DNMT3A: variants seen among roughly 807,000 people sequenced by gnomAD.
The protein encoded by DNMT3A is DNA methyltransferase 3 alpha.
In DNMT3A, 267 loss-of-function variants were observed where a neutral mutation model predicts 117.6. The ratio of observed to expected loss-of-function variants is 2.27; its 90% confidence interval spans 2.05 to 2.51. DNMT3A has a LOEUF of 2.51. Ranked by LOEUF, DNMT3A falls within the 30% of genes most tolerant of loss-of-function variation. The pLI is 0.00. For synonymous variants in DNMT3A, 432 were observed against 474.8 expected (o/e 0.91, Z 1.17); for missense variants, 1,029 against 1,260.2 (o/e 0.82, Z 2.78).
At position 25,257,652 on chromosome 2, in the gene DNMT3A, G is replaced by C. The variant is rs1373406119; in HGVS notation, c.640-9400C>G. On this transcript the variant is annotated intron_variant, in intron 6 of 22. Transcript: ENST00000321117. This position sits in a 1 kb window ranked among gnomAD's most constrained non-coding sequence, Gnocchi z 4.8. ...GGCAGAACTTCCTTTCTTTTCACGA[G>C]GGCCTTGCTAATCACCTCGCCAGGA... is the stretch of plus-strand genomic sequence containing the variant. 6.6e-6 allele frequency among the ~76,000 whole-genome samples: 1 copy of C among 152,146 alleles called. No individual in the cohort carries two copies. Among genetic ancestry groups the C allele is most frequent in the East Asian group, 1.9e-4 (1 of 5,196 alleles).
At chr2:25,328,916 C>T (rs2034901995) in intron 1 of DNMT3A, among the ~76,000 whole-genome samples, 1 of 152,176 alleles carries the variant, frequency 6.6e-6, no homozygotes, top group South Asian at 2.1e-4. Context: ...GAGTCCTTGT[C>T]TGGCCTGTGA....
intron 6 of DNMT3A, among the ~76,000 whole-genome samples, chr2:25,263,222 G>C (rs554629445): frequency 1.3e-5 from 2 of 152,232 alleles, no homozygotes; most frequent in South Asian, 4.2e-4. Context: ...ACTGCACCCA[G>C]CCTCTTTTGC....
intron 6 of DNMT3A, among the ~76,000 whole-genome samples, chr2:25,259,226 AC>A (rs1358549421): frequency 2.0e-5 from 3 of 151,940 alleles, no homozygotes; most frequent in African/African-American, 7.3e-5. Context: ...GCTCACTTCC[AC>A]CCGCTATCCT....
intron 16 of DNMT3A, among the ~76,000 whole-genome samples, chr2:25,243,121 A>G (rs1418355169): frequency 6.6e-6 from 1 of 152,090 alleles, no homozygotes; most frequent in Non-Finnish European, 1.5e-5. Flanking sequence ...CCTGGCCAAC[A>G]CGGTGAAACA....
chr2:25,247,627 GC>G lies in DNMT3A; in HGVS notation c.977del (p.Arg326ProfsTer19). ...TGCCGTCTCCGAACCACATGACCCA[GC>G]GGGTGCCTTCAGCTGCTCGGCTCCG... Reference protein sequence around the residue: ...TGRSRAAEGTRWVMWFGDGKF... With the variant: ...TGRSRAAEGTXWVMWFGDGKF... On this transcript the variant is annotated frameshift_variant, in exon 8 of 23. Transcript: ENST00000321117. LOFTEE classifies it high-confidence loss of function. This position sits in a 1 kb window ranked among gnomAD's most constrained non-coding sequence, Gnocchi z 5.6. 1 of 1,614,000 alleles carries G rather than the reference GC, an allele frequency of 6.2e-7. No homozygotes were observed. Among genetic ancestry groups the G allele is most frequent in the Non-Finnish European group, 8.5e-7 (1 of 1,180,004 alleles).
chr2:25,234,324 G>GATGACTGGCACGCTCC lies in DNMT3A; in HGVS notation c.2678_2693dup (p.Ile898MetfsTer28). 6.2e-7 allele frequency: 1 copy of GATGACTGGCACGCTCC among 1,614,056 alleles called. No individual in the cohort carries two copies. The highest frequency in any genetic ancestry group is 8.5e-7 in the Non-Finnish European group (1 of 1,179,962). On this transcript the variant is annotated frameshift_variant, in exon 23 of 23. Coordinates refer to ENST00000321117, the MANE Select transcript of DNMT3A (RefSeq NM_022552.5). LOFTEE classifies it high-confidence loss of function. This position sits in a 1 kb window ranked among gnomAD's most constrained non-coding sequence, Gnocchi z 4.5. ...CCTTCAGCGGAGCGAAGAGGTGGCG[G>GATGACTGGCACGCTCC]ATGACTGGCACGCTCCATGACCGGC...
chr2:25,256,160 A>G (rs1187340042), intron 6 of DNMT3A, among the ~76,000 whole-genome samples: 1 of 152,184 alleles, frequency 6.6e-6, no homozygotes, highest in African/African-American at 2.4e-5. Flanking sequence ...GGGAGACCTG[A>G]TCCAGACAAA....
At position 25,314,100 on chromosome 2, in the gene DNMT3A, G is replaced by A; in HGVS notation, c.-116C>T. On this transcript the variant is annotated 5_prime_UTR_variant, in exon 2 of 23. Transcript: ENST00000321117. ...TTAAAACTTAAACATAGATCCCGGT[G>A]TTGAGCCCTCTGGTGAACGGTGCCT... The A allele has an allele frequency of 1.4e-6, 2 of 1,436,636 alleles. No homozygotes were observed. Among genetic ancestry groups the A allele is most frequent in the Non-Finnish European group, 1.8e-6 (2 of 1,097,922 alleles). The allele number at this position is 1,436,636 out of a possible 1,614,324, so 89.0% of individuals were successfully genotyped here.
intron 2 of DNMT3A, 72 bp from the exon 3 acceptor site, chr2:25,300,315 G>T: frequency 3.3e-6 from 5 of 1,506,490 alleles, no homozygotes; most frequent in Non-Finnish European, 4.5e-6. Flanking sequence ...CCTGTCTGGG[G>T]CTGGCCCTGG....
chr2:25,298,840 C>T lies in DNMT3A; in HGVS notation c.177+1299G>A, dbSNP rs114331677. On this transcript the variant is annotated intron_variant, in intron 3 of 22. Transcript: ENST00000321117. This position sits in a 1 kb window ranked among gnomAD's most constrained non-coding sequence, Gnocchi z 4.3. ...TTACCAGTAAAATGACTTCACTCCGCCCCCCTGCCCCCCGCCTCAAATCTT... is the reference window on the plus strand; with the variant it reads ...TTACCAGTAAAATGACTTCACTCCGTCCCCCTGCCCCCCGCCTCAAATCTT... Among the ~76,000 whole-genome samples, 4,010 of 152,160 alleles carry T rather than the reference C, an allele frequency of 0.026. 72 individuals are homozygous for T. The highest frequency in any genetic ancestry group is 0.041 in the Non-Finnish European group (2,761 of 68,004).
intron 4 of DNMT3A, among the ~76,000 whole-genome samples, chr2:25,278,000 A>AAC (rs1558700625): frequency 1.0e-4 from 7 of 67,600 alleles, no homozygotes; most frequent in Admixed American, 6.8e-4. Context: ...CACTTGAGTG[A>AAC]TCACACACAC....
chr2:25,242,247 C>T (rs565203919), intron 16 of DNMT3A, among the ~76,000 whole-genome samples: 2 of 152,184 alleles, frequency 1.3e-5, no homozygotes, highest in Admixed American at 6.5e-5. Flanking sequence ...TCAGCCCTCT[C>T]GTGGATTGCA....
At chr2:25,280,478 T>A (rs1051039108) in intron 4 of DNMT3A, among the ~76,000 whole-genome samples, 35 of 152,244 alleles carry the variant, frequency 2.3e-4, no homozygotes, top group African/African-American at 7.5e-4. Flanking sequence ...CCTTCTTCCC[T>A]GTTCTCACTC....
chr2:25,248,558 T>A (rs572237818), intron 6 of DNMT3A, among the ~76,000 whole-genome samples: 1 of 152,150 alleles, frequency 6.6e-6, no homozygotes, highest in South Asian at 2.1e-4. Flanking sequence ...TTTATTTATT[T>A]TTTTTTTTGG....
At chr2:25,250,578 C>G (rs1384503518) in intron 6 of DNMT3A, among the ~76,000 whole-genome samples, 2 of 152,226 alleles carry the variant, frequency 1.3e-5, no homozygotes, top group Admixed American at 6.5e-5. Context: ...TCCTCCCCTA[C>G]GAGAAGGTGC....
chr2:25,294,001 C>T lies in DNMT3A; in HGVS notation c.177+6138G>A, dbSNP rs1317530956. Among the ~76,000 whole-genome samples, 1 of 152,176 alleles carries T rather than the reference C, an allele frequency of 6.6e-6. No individual in the cohort carries two copies. The highest frequency in any genetic ancestry group is 1.5e-5 in the Non-Finnish European group (1 of 68,032). ...TACATTTTTCAATGAATCCCTAGTC[C>T]CCTCAGCCAGGCCTGTGCCTGTGTG... On this transcript the variant is annotated intron_variant, in intron 3 of 22. Coordinates refer to ENST00000321117, the MANE Select transcript of DNMT3A (RefSeq NM_022552.5). This position sits in a 1 kb window ranked among gnomAD's most constrained non-coding sequence, Gnocchi z 4.7.
rs1234519227 is a variant in DNMT3A at position 25,327,209 on chromosome 2, C to T, written c.-177-13048G>A. Among the ~76,000 whole-genome samples, 2 of 152,086 alleles carry T rather than the reference C, an allele frequency of 1.3e-5. No individual in the cohort carries two copies. The highest frequency in any genetic ancestry group is 2.9e-5 in the Non-Finnish European group (2 of 68,016). On this transcript the variant is annotated intron_variant, in intron 1 of 22. Transcript: ENST00000321117. The surrounding 1 kb of genome is among the most constrained non-coding windows in gnomAD (Gnocchi z 4.1). ...CTTACTAGCCAATTCCTCATTATTC[C>T]AATCCAATTAGAGTTAATAATTCGT...
intron 6 of DNMT3A, among the ~76,000 whole-genome samples, chr2:25,261,920 C>T (rs6751608): frequency 1.3e-5 from 2 of 152,102 alleles, no homozygotes; most frequent in Non-Finnish European, 2.9e-5. Context: ...GGCGCAGTGG[C>T]TCACACCTGT....
chr2:25,274,412 T>G (rs899893880), intron 6 of DNMT3A, among the ~76,000 whole-genome samples: 3 of 152,240 alleles, frequency 2.0e-5, no homozygotes, highest in African/African-American at 7.2e-5. Context: ...CCAACTGATG[T>G]GTGGAGCCCC....
Sources: allele counts gnomAD v4.1 joint callset (sites outside exome capture counted in the v4.1 genomes callset), GRCh38; gene constraint gnomAD v4.1.1; non-coding constraint Gnocchi (gnomAD v3.1); transcripts MANE v1.5; gene names NCBI Gene and HGNC (gene_info 2026-07-23, HGNC 2026-07-21).